The following ABT1 variants were observed in gnomAD, a reference collection of about 807,000 sequenced individuals.
ABT1 encodes activator of basal transcription 1.
ABT1 carries 13 observed loss-of-function variants against 14.0 expected under a neutral mutation model. The ratio of observed to expected loss-of-function variants is 0.93; its 90% CI spans 0.61 to 1.48. The LOEUF (loss-of-function observed/expected upper bound fraction) is 1.48. Ranked by LOEUF, ABT1 falls within the 40% of genes most tolerant of loss-of-function variation. The probability of loss-of-function intolerance (pLI) is 0.00; values close to 1 mark genes in which losing one functional copy is unlikely to be tolerated. For missense variants in ABT1, 430 were observed against 380.0 expected, an observed-to-expected ratio of 1.13 and a Z score of -1.09; for synonymous variants, 165 against 144.6, an observed-to-expected ratio of 1.14 and a Z score of -1.01.
At chr6:26,598,220 C>G (rs1764929446) in intron 2 of ABT1, 45 bp from the exon 3 acceptor site, 1 of 1,581,788 alleles carries the variant, frequency 6.3e-7, no homozygotes, top group Admixed American at 1.7e-5. Flanking sequence ...TCATCTTTCT[C>G]CCTAATCTGC....
In ABT1 at chr6:26,597,999, G is replaced by T; in HGVS notation, c.327G>T (p.Trp109Cys). Reference protein sequence around the residue: ...RSYTKDYTEGWVEFRDKRIAK... With the variant: ...RSYTKDYTEGCVEFRDKRIAK... Reference sequence around the variant, plus strand: ...ACACCAAGGACTACACCGAGGGATGGGTGGAGTTCCGTGACAAGCGCATAG... The same window carrying T: ...ACACCAAGGACTACACCGAGGGATGTGTGGAGTTCCGTGACAAGCGCATAG... The change falls in exon 2 of 3, where the codon TGG becomes TGT. Residue 109 changes from tryptophan (W) to cysteine (C), a missense_variant. By Grantham distance (215) the Trp-to-Cys change is radical. Coordinates refer to ENST00000274849, the MANE Select transcript of ABT1 (RefSeq NM_013375.4). 2 of 1,614,250 alleles carry T rather than the reference G, an allele frequency of 1.2e-6. No homozygotes were observed. Among genetic ancestry groups the T allele is most frequent in the Admixed American group, 3.3e-5 (2 of 60,032 alleles).
rs1433949182 is a variant in ABT1, at chr6:26,599,711, C to T, written c.*1066C>T. 3 of 152,212 alleles carry T rather than the reference C, an allele frequency of 2.0e-5. No individual in the cohort carries two copies. The highest frequency in any genetic ancestry group is 4.4e-5 in the Non-Finnish European group (3 of 68,044). 9.4% of individuals were successfully genotyped at this position (152,212 alleles called of 1,614,324 possible). On this transcript the variant is annotated 3_prime_UTR_variant, in exon 3 of 3. Coordinates refer to ENST00000274849, the MANE Select transcript of ABT1 (RefSeq NM_013375.4). ...AACCAGTGCACCTCAGGTGCACTTA[C>T]ATATGGTGGGGCTGAGGCAAAGCAG...
At position 26,598,706 on chromosome 6, in the gene ABT1, G is replaced by C; in HGVS notation, c.*61G>C. On this transcript the variant is annotated 3_prime_UTR_variant, in exon 3 of 3. Transcript: ENST00000274849. Reference sequence around the variant, plus strand: ...TCTGCTTCCTGTCTACCTCATACTAGAATGATCGTGACTACCCGGGCAGAC... The same window carrying C: ...TCTGCTTCCTGTCTACCTCATACTACAATGATCGTGACTACCCGGGCAGAC... 2 of 1,492,528 alleles carry C rather than the reference G, an allele frequency of 1.3e-6. No individual in the cohort carries two copies. The highest frequency in any genetic ancestry group is 1.8e-6 in the Non-Finnish European group (2 of 1,124,790). 92.5% of individuals were successfully genotyped at this position (1,492,528 alleles called of 1,614,324 possible).
In ABT1 at chr6:26,598,382, C is replaced by A. The variant is rs1554144785; in HGVS notation, c.556C>A (p.Leu186Ile). ...AQAKRETDFYLQSVERGQRFL... is the reference protein window; with the variant it reads ...AQAKRETDFYIQSVERGQRFL... ...AGCCAAGCGTGAGACCGACTTCTAT[C>A]TTCAAAGTGTGGAACGGGGACAACG... Residue 186 changes from leucine (L) to isoleucine (I), a missense_variant, in exon 3 of 3, where the codon CTT (leucine) becomes ATT (isoleucine). Physicochemically the swap from Leu to Ile is conservative, Grantham distance 5. Coordinates refer to ENST00000274849, the MANE Select transcript of ABT1 (RefSeq NM_013375.4). 6.2e-7 allele frequency: 1 copy of A among 1,614,270 alleles called. No homozygotes were observed. Among genetic ancestry groups the A allele is most frequent in the Admixed American group, 1.7e-5 (1 of 60,038 alleles).
Position 26,600,504 on chromosome 6 carries a change from C to T in ABT1, c.*1859C>T, listed in dbSNP as rs1413645285. 2 of 152,192 alleles carry T rather than the reference C, an allele frequency of 1.3e-5. No homozygotes were observed. The highest frequency in any genetic ancestry group is 4.8e-5 in the African/African-American group (2 of 41,436). 9.4% of individuals were successfully genotyped at this position (152,192 alleles called of 1,614,324 possible). On this transcript the variant is annotated 3_prime_UTR_variant, in exon 3 of 3. Transcript: ENST00000274849. ...TGTACAAAGAGCTCACACCTGCGGC[C>T]AGGCAAGCTAAGTAAGTCACAGGTG...
In ABT1 at chr6:26,597,215, A is replaced by C; in HGVS notation, c.233A>C (p.Gln78Pro). Reference protein sequence around the residue: ...AYGEVGRVFFQAEDRFVRRKK... With the variant: ...AYGEVGRVFFPAEDRFVRRKK... ...GGCGAGGTCGGACGCGTCTTCTTTC[A>C]GGCTGAGGGTAAGTATGCAGGCCCT... Residue 78 changes from glutamine to proline, a missense_variant, in exon 1 of 3, where the codon CAG becomes CCG. Physicochemically the swap from Gln to Pro is moderately conservative, Grantham distance 76. Coordinates refer to ENST00000274849, the MANE Select transcript of ABT1 (RefSeq NM_013375.4). 2.5e-6 allele frequency: 4 copies of C among 1,614,088 alleles called. No homozygotes were observed. The highest frequency in any genetic ancestry group is 3.4e-6 in the Non-Finnish European group (4 of 1,179,974).
In ABT1 at chr6:26,597,007, G is replaced by T; in HGVS notation, c.25G>T (p.Ala9Ser). 6.2e-7 allele frequency: 1 copy of T among 1,612,568 alleles called. No homozygotes were observed. The highest frequency in any genetic ancestry group is 8.5e-7 in the Non-Finnish European group (1 of 1,179,608). ...CATGGAGGCAGAGGAATCGGAGAAG[G>T]CCGCAACGGAGCAAGAGCCGCTGGA... MEAEESEKAATEQEPLEGT... is the reference protein window; with the variant it reads MEAEESEKSATEQEPLEGT... The change falls in exon 1 of 3, where the codon GCC (alanine) becomes TCC (serine). Residue 9 changes from alanine to serine, a missense_variant. Physicochemically the swap from Ala to Ser is moderately conservative, Grantham distance 99. Transcript: ENST00000274849.
chr6:26,598,501 A>G lies in ABT1; in HGVS notation c.675A>G (p.Ala225=). The change falls in exon 3 of 3, where the codon GCA becomes GCG. Residue 225 remains alanine (A), a synonymous_variant. Coordinates refer to ENST00000274849, the MANE Select transcript of ABT1 (RefSeq NM_013375.4). ...PTEQELRARK[A]ARPGGRERAR... ...AGCAGGAACTGAGGGCCCGTAAAGCAGCACGGCCAGGGGGACGTGAACGGG... is the reference window on the plus strand; with the variant it reads ...AGCAGGAACTGAGGGCCCGTAAAGCGGCACGGCCAGGGGGACGTGAACGGG... 1.2e-6 allele frequency: 2 copies of G among 1,614,022 alleles called. No individual in the cohort carries two copies. The highest frequency in any genetic ancestry group is 1.7e-6 in the Non-Finnish European group (2 of 1,179,908).
Position 26,596,992 on chromosome 6 carries a change from G to C in ABT1, c.10G>C (p.Glu4Gln), listed in dbSNP as rs1554144520. MEA[E>Q]ESEKAATEQE... The stretch of plus-strand genomic sequence containing the variant: ...GCTCGTGTCAGTCAACATGGAGGCA[G>C]AGGAATCGGAGAAGGCCGCAACGGA... The change falls in exon 1 of 3, where the codon GAG becomes CAG. Residue 4 changes from glutamate to glutamine, a missense_variant. Coordinates refer to ENST00000274849, the MANE Select transcript of ABT1 (RefSeq NM_013375.4). 1 of 1,611,048 alleles carries C rather than the reference G, an allele frequency of 6.2e-7. No homozygotes were observed. The highest frequency in any genetic ancestry group is 1.3e-5 in the African/African-American group (1 of 74,888).
chr6:26,597,535 T>A (rs1764917952), intron 1 of ABT1, among the ~76,000 whole-genome samples: 1 of 152,182 alleles, frequency 6.6e-6, no homozygotes, highest in African/African-American at 2.4e-5. Context: ...ACTGGTTTGT[T>A]ACATGAATAC....
Position 26,598,352 on chromosome 6 carries a change from G to C in ABT1, c.526G>C (p.Ala176Pro). 1 of 1,614,278 alleles carries C rather than the reference G, an allele frequency of 6.2e-7. No homozygotes were observed. The highest frequency in any genetic ancestry group is 8.5e-7 in the Non-Finnish European group (1 of 1,180,054). ...VRRQRLRAEV[A>P]QAKRETDFYL... ...CAGGCAGCGCTTGAGAGCGGAGGTT[G>C]CTCAAGCCAAGCGTGAGACCGACTT... Residue 176 changes from alanine to proline, a missense_variant, in exon 3 of 3, where the codon GCT becomes CCT. Coordinates refer to ENST00000274849, the MANE Select transcript of ABT1 (RefSeq NM_013375.4).
rs764438985 is a variant in ABT1 at position 26,600,501 on chromosome 6, G to A, written c.*1856G>A. The A allele has an allele frequency of 1.3e-5, 2 of 152,178 alleles. No homozygotes were observed. The highest frequency in any genetic ancestry group is 2.4e-5 in the African/African-American group (1 of 41,424). The allele number at this position is 152,178 out of a possible 1,614,324, so 9.4% of individuals were successfully genotyped here. On this transcript the variant is annotated 3_prime_UTR_variant, in exon 3 of 3. Coordinates refer to ENST00000274849, the MANE Select transcript of ABT1 (RefSeq NM_013375.4). ...TTCTGTACAAAGAGCTCACACCTGC[G>A]GCCAGGCAAGCTAAGTAAGTCACAG...
chr6:26,598,110 G>A lies in ABT1; in HGVS notation c.438G>A (p.Lys146=). Residue 146 remains lysine, a splice_region_variant and synonymous_variant, in exon 2 of 3, where the codon AAG becomes AAA. Transcript: ENST00000274849. ...TCCGTTATGATCTTTGGAACCTCAA[G>A]GTGAGAAGATAGATCTTTCTGCCAC... The part of the protein sequence containing the change: ...SPFRYDLWNL[K]YLHRFTWSHL... 1.9e-6 allele frequency: 3 copies of A among 1,605,678 alleles called. No homozygotes were observed. The highest frequency in any genetic ancestry group is 8.5e-7 in the Non-Finnish European group (1 of 1,173,498).
rs371015299 is a variant in ABT1 at position 26,597,056 on chromosome 6, C to T, written c.74C>T (p.Ala25Val). The T allele has an allele frequency of 2.4e-5, 39 of 1,613,870 alleles. No homozygotes were observed. The African/African-American group carries it at 4.1e-4, about 17-fold the overall frequency. Residue 25 changes from alanine (A) to valine (V), a missense_variant, in exon 1 of 3, where the codon GCG becomes GTG. By Grantham distance (64) the Ala-to-Val change is moderately conservative (BLOSUM62 0). Coordinates refer to ENST00000274849, the MANE Select transcript of ABT1 (RefSeq NM_013375.4). ...PLEGTEQTLD[A>V]EEEQEESEEA... is the part of the protein sequence containing the mutation. Reference sequence around the variant, plus strand: ...GAAGGGACAGAACAGACACTAGATGCGGAGGAGGAGCAGGAGGAATCCGAA... The same window carrying T: ...GAAGGGACAGAACAGACACTAGATGTGGAGGAGGAGCAGGAGGAATCCGAA...
intron 1 of ABT1, 134 bp from the exon 2 acceptor site, chr6:26,597,780 C>A (rs1000081617): frequency 1.2e-6 from 1 of 824,832 alleles, no homozygotes; most frequent in East Asian, 2.7e-5. Context: ...ATTTACAGTT[C>A]CCTTCCTCCT....
rs1230252333 is a variant in ABT1 at position 26,596,955 on chromosome 6, G to T, written c.-28G>T. 5 of 1,598,752 alleles carry T rather than the reference G, an allele frequency of 3.1e-6. No homozygotes were observed. Among genetic ancestry groups the T allele is most frequent in the Non-Finnish European group, 4.3e-6 (5 of 1,173,156 alleles). On this transcript the variant is annotated 5_prime_UTR_variant, in exon 1 of 3. Transcript: ENST00000274849. ...TGCGTCAGTTGGCAAGGCACTTTAC[G>T]GCCGTCGTGCCGCTCGTGTCAGTCA... is the stretch of plus-strand genomic sequence containing the variant.
rs782010945 is a variant in ABT1 at position 26,598,031 on chromosome 6, G to C, written c.359G>C (p.Arg120Pro). The change falls in exon 2 of 3, where the codon CGC becomes CCC. Residue 120 changes from arginine to proline, a missense_variant. Arg to Pro is a moderately radical substitution (Grantham distance 103). Coordinates refer to ENST00000274849, the MANE Select transcript of ABT1 (RefSeq NM_013375.4). ...TTCCGTGACAAGCGCATAGCCAAGC[G>C]CGTGGCGGCCAGTCTACACAACACG... ...VEFRDKRIAK[R>P]VAASLHNTPM... 1.9e-6 allele frequency: 3 copies of C among 1,614,226 alleles called. No individual in the cohort carries two copies. Among genetic ancestry groups the C allele is most frequent in the South Asian group, 1.1e-5 (1 of 91,090 alleles).
chr6:26,597,862 T>G (rs962129862), intron 1 of ABT1, 52 bp from the exon 2 acceptor site: 15 of 1,522,158 alleles, frequency 9.9e-6, no homozygotes, highest in Middle Eastern at 1.8e-4. Context: ...GAGGTGCTTT[T>G]GAGTGAGTGC....
At position 26,598,521 on chromosome 6, in the gene ABT1, A is replaced by G. The variant is rs1300147418; in HGVS notation, c.695A>G (p.Glu232Gly). The G allele has an allele frequency of 6.2e-7, 1 of 1,613,852 alleles. No homozygotes were observed. The change falls in exon 3 of 3, where the codon GAA becomes GGA. Residue 232 changes from glutamate to glycine, a missense_variant. By Grantham distance (98) the Glu-to-Gly change is moderately conservative. Coordinates refer to ENST00000274849, the MANE Select transcript of ABT1 (RefSeq NM_013375.4). Reference protein sequence around the residue: ...ARKAARPGGRERARLATAQDK... With the variant: ...ARKAARPGGRGRARLATAQDK... The stretch of plus-strand genomic sequence containing the variant: ...AAAGCAGCACGGCCAGGGGGACGTG[A>G]ACGGGCTCGCCTGGCAACTGCCCAG...
Sources: allele counts gnomAD v4.1 joint callset (sites outside exome capture counted in the v4.1 genomes callset), GRCh38; gene constraint gnomAD v4.1.1; transcripts MANE v1.5; gene names NCBI Gene and HGNC (gene_info 2026-07-23, HGNC 2026-07-21).